NKAIN2: variants seen among roughly 807,000 people sequenced by gnomAD.
NKAIN2 encodes the protein sodium/potassium-transporting ATPase subunit beta-1-interacting protein 2.
A neutral mutation model predicts 32.6 loss-of-function variants in NKAIN2; 14 were observed. The ratio of observed to expected loss-of-function variants is 0.43; its 90% CI spans 0.28 to 0.67. NKAIN2 has a LOEUF of 0.67. NKAIN2 is among the 30% of genes least tolerant of loss of function. The pLI is 0.17. For synonymous variants in NKAIN2, 80 were observed against 87.2 expected, an observed-to-expected ratio of 0.92 and a Z score of 0.46; for missense variants, 198 against 258.3, an observed-to-expected ratio of 0.77 and a Z score of 1.60.
intron 1 of NKAIN2, among the ~76,000 whole-genome samples, chr6:124,033,627 C>G (rs1781492590): frequency 6.6e-6 from 1 of 152,060 alleles, no homozygotes; most frequent in South Asian, 2.1e-4. Flanking sequence ...TTCATTCTCA[C>G]TAAGCGAGCA....
chr6:124,410,643 G>A (rs529517913), intron 3 of NKAIN2, among the ~76,000 whole-genome samples: 1 of 152,248 alleles, frequency 6.6e-6, no homozygotes, highest in Non-Finnish European at 1.5e-5. Flanking sequence ...GAATACATGT[G>A]GTGTGGTGCT....
At chr6:123,885,387 A>G (rs1482889211) in intron 1 of NKAIN2, among the ~76,000 whole-genome samples, 1 of 152,148 alleles carries the variant, frequency 6.6e-6, no homozygotes, top group Non-Finnish European at 1.5e-5. Flanking sequence ...CTCCTCTACA[A>G]TAACTGTATT....
intron 3 of NKAIN2, among the ~76,000 whole-genome samples, chr6:124,394,350 A>G (rs1033971998): frequency 6.6e-6 from 1 of 152,142 alleles, no homozygotes; most frequent in Non-Finnish European, 1.5e-5. Context: ...GGCTTCCTTT[A>G]ACAGCATAAT....
intron 1 of NKAIN2, among the ~76,000 whole-genome samples, chr6:124,068,562 G>A (rs1783297363): frequency 6.6e-6 from 1 of 151,698 alleles, no homozygotes; most frequent in African/African-American, 2.4e-5. Flanking sequence ...TTTCATTAAC[G>A]TACTCCAGAC....
intron 1 of NKAIN2, among the ~76,000 whole-genome samples, chr6:124,229,520 A>ATAGG (rs1254756821): frequency 6.7e-6 from 1 of 149,882 alleles, no homozygotes; most frequent in Non-Finnish European, 1.5e-5. Flanking sequence ...AGATAGATAG[A>ATAGG]TAGATAGATA....
intron 1 of NKAIN2, among the ~76,000 whole-genome samples, chr6:124,275,837 A>C (rs1363866817): frequency 1.3e-5 from 2 of 152,002 alleles, no homozygotes; most frequent in African/African-American, 4.8e-5. Flanking sequence ...AATTAATAAT[A>C]GCATCCATTT....
intron 6 of NKAIN2, among the ~76,000 whole-genome samples, chr6:124,820,859 G>A (rs1455378039): frequency 3.9e-5 from 6 of 152,160 alleles, no homozygotes; most frequent in African/African-American, 1.4e-4. Context: ...AGGTGGAACA[G>A]TTTCATCCTG....
intron 1 of NKAIN2, among the ~76,000 whole-genome samples, chr6:123,942,253 G>A (rs916097147): frequency 6.6e-6 from 1 of 151,900 alleles, no homozygotes; most frequent in Admixed American, 6.6e-5. Flanking sequence ...TAAGTCAGCA[G>A]AATAGGAATA....
At chr6:123,948,598 T>A (rs1302298036) in intron 1 of NKAIN2, among the ~76,000 whole-genome samples, 10 of 45,940 alleles carry the variant, frequency 2.2e-4, no homozygotes, top group African/African-American at 6.1e-4. Context: ...TTAAATGGGA[T>A]TTTTTTTTTT....
intron 3 of NKAIN2, among the ~76,000 whole-genome samples, chr6:124,522,140 A>G (rs1779140019): frequency 6.6e-6 from 1 of 152,146 alleles, no homozygotes; most frequent in Admixed American, 6.5e-5. Context: ...TAGAATTGCT[A>G]TAATCTATTA....
chr6:124,116,294 T>C (rs1785609124), intron 1 of NKAIN2, among the ~76,000 whole-genome samples: 2 of 152,142 alleles, frequency 1.3e-5, no homozygotes, highest in African/African-American at 4.8e-5. Flanking sequence ...GGCTGTGTTG[T>C]AAAGTAGTTC....
intron 5 of NKAIN2, among the ~76,000 whole-genome samples, chr6:124,800,691 G>A (rs936991235): frequency 2.0e-5 from 3 of 152,194 alleles, no homozygotes; most frequent in Non-Finnish European, 2.9e-5. Context: ...GGCACAGAGT[G>A]CTTCTGGGAA....
intron 4 of NKAIN2, among the ~76,000 whole-genome samples, chr6:124,786,834 C>A (rs923432534): frequency 6.6e-6 from 1 of 152,110 alleles, no homozygotes; most frequent in Non-Finnish European, 1.5e-5. Context: ...ATCTTTAAAT[C>A]AGGAACAAAA....
At chr6:124,152,473 C>G (rs1787777697) in intron 1 of NKAIN2, among the ~76,000 whole-genome samples, 1 of 151,782 alleles carries the variant, frequency 6.6e-6, no homozygotes, top group African/African-American at 2.4e-5. Flanking sequence ...TCATTTCACT[C>G]CAGTTAGAAT....
chr6:123,935,073 A>C (rs1278422833), intron 1 of NKAIN2, among the ~76,000 whole-genome samples: 1 of 147,568 alleles, frequency 6.8e-6, no homozygotes, highest in Non-Finnish European at 1.5e-5. Context: ...ATATTTCTAT[A>C]TATATATTTG....
At chr6:123,809,544 T>C (rs1209026094) in intron 1 of NKAIN2, among the ~76,000 whole-genome samples, 1 of 152,196 alleles carries the variant, frequency 6.6e-6, no homozygotes, top group African/African-American at 2.4e-5. Context: ...GGTTTTCTCC[T>C]CTTTTAGTAT....
intron 4 of NKAIN2, among the ~76,000 whole-genome samples, chr6:124,747,473 A>T (rs1033221598): frequency 6.6e-6 from 1 of 151,848 alleles, no homozygotes; most frequent in African/African-American, 2.4e-5. Flanking sequence ...TCCAGGGAGC[A>T]ATGGATTTCC....
chr6:124,669,424 A>T (rs1217904754), intron 4 of NKAIN2, among the ~76,000 whole-genome samples: 1 of 152,132 alleles, frequency 6.6e-6, no homozygotes, highest in Non-Finnish European at 1.5e-5. Flanking sequence ...TGCTCTGCTG[A>T]TGAATAAAAT....
At chr6:123,945,409 A>G (rs1293332329) in intron 1 of NKAIN2, among the ~76,000 whole-genome samples, 2 of 152,134 alleles carry the variant, frequency 1.3e-5, no homozygotes, top group East Asian at 3.8e-4. Flanking sequence ...GGTAAAATTC[A>G]GATAGAGACA....
Sources: gnomAD v4.1 joint callset for allele counts (sites outside exome capture counted in the v4.1 genomes callset) on GRCh38, gnomAD v4.1.1 for gene constraint, MANE v1.5 for transcripts, NCBI Gene and HGNC (gene_info 2026-07-23, HGNC 2026-07-21) for gene names.